SMG1: variants seen among roughly 807,000 people sequenced by gnomAD.
The protein encoded by SMG1 is SMG1 nonsense mediated mRNA decay associated PI3K related kinase, also known as serine/threonine-protein kinase SMG1.
Under a neutral mutation model 419.9 loss-of-function variants are expected in SMG1, and 22 were observed. The observed-to-expected ratio is 0.05, with a 90% confidence interval of 0.04 to 0.07. SMG1 has a LOEUF of 0.07. Ranked by LOEUF, SMG1 falls within the 10% of genes least tolerant of loss-of-function variation. The probability of loss-of-function intolerance (pLI) is 1.00; values close to 1 mark genes in which losing one functional copy is unlikely to be tolerated. For synonymous variants in SMG1, 1,538 were observed against 1,553.5 expected (o/e 0.99, Z 0.23); for missense variants, 3,185 against 4,342.0 (o/e 0.73, Z 7.49).
chr16:18,913,150 G>C (rs2037852096), intron 1 of SMG1, among the ~76,000 whole-genome samples: 1 of 152,094 alleles, frequency 6.6e-6, no homozygotes, highest in Non-Finnish European at 1.5e-5. Context: ...CAAATCTGAA[G>C]AAGTCAACGT....
intron 1 of SMG1, among the ~76,000 whole-genome samples, chr16:18,901,994 TG>T (rs1330038363): frequency 1.3e-5 from 2 of 149,620 alleles, no homozygotes; most frequent in African/African-American, 2.5e-5. Flanking sequence ...CTTGTTCATC[TG>T]GGGGTTTTAG....
intron 62 of SMG1, 95 bp from the exon 63 acceptor site, chr16:18,809,741 G>T: frequency 1.1e-6 from 1 of 923,378 alleles, no homozygotes; most frequent in Non-Finnish European, 1.7e-6. Flanking sequence ...CAAAAGTTAA[G>T]TGCAAAGGAC....
intron 11 of SMG1, chr16:18,877,681 A>C (rs975697146): frequency 2.6e-5 from 4 of 154,594 alleles, no homozygotes; most frequent in African/African-American, 9.6e-5. Context: ...TGTTGGGATG[A>C]AGAAGGTATA....
intron 36 of SMG1, among the ~76,000 whole-genome samples, chr16:18,848,901 A>C (rs1222078240): frequency 6.6e-6 from 1 of 151,238 alleles, no homozygotes; most frequent in Non-Finnish European, 1.5e-5. Context: ...TGAAACCCCG[A>C]CTCTACTGAA....
intron 56 of SMG1, among the ~76,000 whole-genome samples, chr16:18,817,780 G>C (rs1048442082): frequency 6.6e-6 from 1 of 152,148 alleles, no homozygotes; most frequent in Non-Finnish European, 1.5e-5. Context: ...GCTGCAATTT[G>C]TGTTACAGCC....
chr16:18,820,456 G>A (rs1224910184), intron 55 of SMG1, among the ~76,000 whole-genome samples: 4 of 152,054 alleles, frequency 2.6e-5, no homozygotes, highest in South Asian at 2.1e-4. Context: ...CACCCACCTC[G>A]GCCTCCCAAA....
chr16:18,916,131 A>C (rs943958506), intron 1 of SMG1, among the ~76,000 whole-genome samples: 14 of 151,046 alleles, frequency 9.3e-5, no homozygotes, highest in Non-Finnish European at 1.9e-4. Flanking sequence ...TACATACATA[A>C]ATTTTATCTC....
At chr16:18,815,104 T>C (rs766434429) in intron 60 of SMG1, 71 bp downstream of exon 60, 77 of 945,218 alleles carry the variant, frequency 8.1e-5, no homozygotes, top group Admixed American at 2.0e-4. Flanking sequence ...TAGACAGTTA[T>C]GTATAATTAA....
At chr16:18,842,943 C>T (rs2034010543) in intron 39 of SMG1, among the ~76,000 whole-genome samples, 1 of 152,186 alleles carries the variant, frequency 6.6e-6, no homozygotes, top group Non-Finnish European at 1.5e-5. Flanking sequence ...ACGCTGGTGG[C>T]CGATGTGCAT....
intron 1 of SMG1, among the ~76,000 whole-genome samples, chr16:18,906,856 C>G (rs2037581640): frequency 6.6e-6 from 1 of 152,206 alleles, no homozygotes. Context: ...GCTGCTAAAT[C>G]CAAGATACAG....
At chr16:18,843,871 C>T (rs2141318380) in intron 39 of SMG1, among the ~76,000 whole-genome samples, 1 of 152,224 alleles carries the variant, frequency 6.6e-6, no homozygotes, top group African/African-American at 2.4e-5. Context: ...AGAAGTGGGA[C>T]TTCTATAAAG....
chr16:18,892,488 G>A, intron 3 of SMG1, 134 bp from the exon 4 acceptor site: 1 of 664,592 alleles, frequency 1.5e-6, no homozygotes, highest in South Asian at 2.3e-5. Flanking sequence ...CCAGTACTTT[G>A]GAAGGCGGGT....
At chr16:18,839,393 T>G (rs138081158) in intron 42 of SMG1, among the ~76,000 whole-genome samples, 1,734 of 152,226 alleles carry the variant, frequency 0.011, 35 homozygotes, top group African/African-American at 0.04. Flanking sequence ...CTTCTTTGTG[T>G]CCATGTGTGC....
intron 1 of SMG1, among the ~76,000 whole-genome samples, chr16:18,905,758 C>G (rs540926596): frequency 6.6e-6 from 1 of 151,976 alleles, no homozygotes; most frequent in African/African-American, 2.4e-5. Flanking sequence ...ATTACAGGCC[C>G]CTGCTACCAC....
chr16:18,872,746 G>C, intron 13 of SMG1, 122 bp from the exon 14 acceptor site: 1 of 829,770 alleles, frequency 1.2e-6, no homozygotes, highest in South Asian at 1.8e-5. Flanking sequence ...GACTGCAAGG[G>C]ATCTAGTACA....
At chr16:18,915,469 C>G (rs1345075036) in intron 1 of SMG1, among the ~76,000 whole-genome samples, 1 of 152,096 alleles carries the variant, frequency 6.6e-6, no homozygotes, top group Non-Finnish European at 1.5e-5. Context: ...TATAAAAACA[C>G]AAACTTGCAG....
intron 10 of SMG1, among the ~76,000 whole-genome samples, chr16:18,880,473 C>G (rs569554115): frequency 4.2e-4 from 64 of 152,238 alleles, no homozygotes; most frequent in African/African-American, 1.4e-3. Context: ...AGCACTTTGA[C>G]AGGATTAGCT....
chr16:18,844,369 C>A (rs1347988049), intron 39 of SMG1, among the ~76,000 whole-genome samples: 1 of 150,950 alleles, frequency 6.6e-6, no homozygotes, highest in Non-Finnish European at 1.5e-5. Context: ...GCAGAGGCAG[C>A]AGTGAGCCAA....
At chr16:18,876,472 G>A (rs536312142) in intron 12 of SMG1, 79 bp from the exon 13 acceptor site, 1 of 1,413,138 alleles carries the variant, frequency 7.1e-7, no homozygotes, top group Non-Finnish European at 9.7e-7. Flanking sequence ...ATCACTATCT[G>A]TATTAGTGCT....
Sources: allele counts gnomAD v4.1 joint callset (sites outside exome capture counted in the v4.1 genomes callset), GRCh38; gene constraint gnomAD v4.1.1; transcripts MANE v1.5; gene names NCBI Gene and HGNC (gene_info 2026-07-23, HGNC 2026-07-21).